Variants in ADGRG4 observed in about 807,000 individuals in gnomAD.
The protein encoded by ADGRG4 is adhesion G protein-coupled receptor G4.
A neutral mutation model predicts 126.2 loss-of-function variants in ADGRG4; 122 were observed. That is an observed-to-expected ratio of 0.97 (90% CI 0.83 to 1.12). The LOEUF (loss-of-function observed/expected upper bound fraction) is 1.12, where lower values mean the gene tolerates loss of function less well. Ranked by LOEUF, ADGRG4 falls within the 50% of genes most tolerant of loss-of-function variation. ADGRG4 has a pLI of 0.00. For synonymous variants in ADGRG4, 943 were observed against 838.7 expected (o/e 1.12, Z -2.15); for missense variants, 2,481 against 2,251.8 (o/e 1.10, Z -2.06).
chrX:136,412,152 C>T, intron 23 of ADGRG4, 113 bp from the exon 24 acceptor site: 3 of 514,239 alleles, frequency 5.8e-6, no homozygotes, highest in East Asian at 3.5e-5. Flanking sequence ...CAGTAATGGC[C>T]CTGGGGTTCC....
In ADGRG4 at chrX:136,345,698, G is replaced by C; in HGVS notation, c.1992G>C (p.Leu664=). The change falls in exon 6 of 26, where the codon CTG becomes CTC. Residue 664 remains leucine (L), a synonymous_variant. Transcript: ENST00000394143. ...GGACTTCTAGGCCAGACCAGGCCCT[G>C]CTGGCATCTATGAACACAACCACCA... ...TIWTSRPDQA[L]LASMNTTTIL... is the part of the protein sequence containing the mutation. 1 of 1,211,462 alleles carries C rather than the reference G, an allele frequency of 8.3e-7. No homozygotes were observed. The highest frequency in any genetic ancestry group is 1.1e-6 in the Non-Finnish European group (1 of 895,247).
At chrX:136,406,742 C>T (rs767687402) in intron 23 of ADGRG4, among the ~76,000 whole-genome samples, 16 of 110,319 alleles carry the variant, frequency 1.5e-4, no homozygotes, top group Non-Finnish European at 2.1e-4. Context: ...GGTGAAACCC[C>T]GTCTCTACTA....
At chrX:136,361,078 G>T (rs1478971762) in intron 11 of ADGRG4, among the ~76,000 whole-genome samples, 1 of 110,642 alleles carries the variant, frequency 9.0e-6, no homozygotes, top group Non-Finnish European at 1.9e-5. Flanking sequence ...GGTGGCTGAG[G>T]TGGGAGGATT....
chrX:136,347,712 A>G lies in ADGRG4; in HGVS notation c.4006A>G (p.Ser1336Gly), dbSNP rs750698209. ...TTTGGCTTCATCTCCCACTTCTGGA[A>G]GCACACAGATTACACCAACCTTGAC... ...GNLASSPTSG[S>G]TQITPTLTSS... Residue 1336 changes from serine to glycine, a missense_variant, in exon 6 of 26, where the codon AGC becomes GGC. Physicochemically the swap from Ser to Gly is moderately conservative, Grantham distance 56 (BLOSUM62 0). Transcript: ENST00000394143. 7 of 1,209,886 alleles carry G rather than the reference A, an allele frequency of 5.8e-6. No individual in the cohort carries two copies. Among genetic ancestry groups the G allele is most frequent in the Non-Finnish European group, 7.8e-6 (7 of 893,876 alleles).
chrX:136,315,150 C>T (rs746012130), intron 4 of ADGRG4, among the ~76,000 whole-genome samples: 7 of 109,934 alleles, frequency 6.4e-5, no homozygotes, highest in Admixed American at 2.0e-4. Context: ...AGCCTGGTTA[C>T]AAGACCAGTG....
Position 136,405,845 on chromosome X carries a change from G to A in ADGRG4, c.8808G>A (p.Leu2936=), listed in dbSNP as rs772805119. 1 of 1,209,792 alleles carries A rather than the reference G, an allele frequency of 8.3e-7. No homozygotes were observed. The highest frequency in any genetic ancestry group is 1.1e-6 in the Non-Finnish European group (1 of 894,587). ...QIQKTRRKMI[L]HDLKGTMSLT... ...AGAAGACTCGGCGGAAGATGATCCT[G>A]CATGACCTCAAAGGCACAATGAGCC... Residue 2936 remains leucine (L), a synonymous_variant, in exon 23 of 26, where the codon CTG becomes CTA. Coordinates refer to ENST00000394143, the MANE Select transcript of ADGRG4 (RefSeq NM_153834.4).
chrX:136,329,716 A>AT (rs1201937536), intron 5 of ADGRG4, among the ~76,000 whole-genome samples: 1 of 103,596 alleles, frequency 9.7e-6, no homozygotes, highest in Admixed American at 1.1e-4. Context: ...GTCGCCCAGG[A>AT]TGTAGTGCAG....
At chrX:136,376,871 G>C (rs2075229592) in intron 15 of ADGRG4, among the ~76,000 whole-genome samples, 1 of 110,732 alleles carries the variant, frequency 9.0e-6, no homozygotes, top group South Asian at 3.8e-4. Flanking sequence ...GGTTTTCTAG[G>C]TATACGTTCA....
chrX:136,315,111 A>G (rs1054442359), intron 4 of ADGRG4, among the ~76,000 whole-genome samples: 8 of 110,380 alleles, frequency 7.2e-5, no homozygotes, highest in African/African-American at 2.6e-4. Context: ...ACGCTTCTAT[A>G]TCTGGTAGGC....
chrX:136,339,684 C>T, intron 5 of ADGRG4, among the ~76,000 whole-genome samples: 2 of 112,251 alleles, frequency 1.8e-5, no homozygotes, highest in East Asian at 5.6e-4. Context: ...TCTTGGGGTC[C>T]CAAACCAGTT....
At chrX:136,393,160 A>C (rs2075328539) in intron 17 of ADGRG4, among the ~76,000 whole-genome samples, 1 of 111,873 alleles carries the variant, frequency 8.9e-6, no homozygotes. Flanking sequence ...TTCTGTCCAT[A>C]AGGCTTGATC....
chrX:136,346,493 A>G lies in ADGRG4; in HGVS notation c.2787A>G (p.Glu929=). The G allele has an allele frequency of 8.3e-7, 1 of 1,210,549 alleles. No homozygotes were observed. Among genetic ancestry groups the G allele is most frequent in the Non-Finnish European group, 1.1e-6 (1 of 894,536 alleles). ...GGAGTTCATACAATGAAATGACAGA[A>G]ATGTTTAATTTTAACCACACCTATG... ...TPRSSYNEMT[E]MFNFNHTYVA... The change falls in exon 6 of 26, where the codon GAA becomes GAG. Residue 929 remains glutamate, a synonymous_variant. Coordinates refer to ENST00000394143, the MANE Select transcript of ADGRG4 (RefSeq NM_153834.4).
intron 5 of ADGRG4, among the ~76,000 whole-genome samples, chrX:136,338,624 A>G (rs1336115642): frequency 8.9e-6 from 1 of 111,972 alleles, no homozygotes; most frequent in Non-Finnish European, 1.9e-5. Flanking sequence ...GATAATTTGT[A>G]ATTGCTTGCA....
intron 5 of ADGRG4, among the ~76,000 whole-genome samples, chrX:136,332,609 T>C (rs1299360996): frequency 9.0e-5 from 10 of 111,164 alleles, no homozygotes; most frequent in African/African-American, 3.3e-4. Flanking sequence ...TGCACTAGTT[T>C]ACAGTCCCAC....
chrX:136,317,239 A>C (rs1157043165), intron 4 of ADGRG4, among the ~76,000 whole-genome samples: 1 of 110,793 alleles, frequency 9.0e-6, no homozygotes, highest in Non-Finnish European at 1.9e-5. Flanking sequence ...GGTGTCTCAC[A>C]CCTGTAATCC....
intron 4 of ADGRG4, among the ~76,000 whole-genome samples, chrX:136,314,125 G>A (rs758037901): frequency 2.7e-5 from 3 of 109,530 alleles, no homozygotes; most frequent in African/African-American, 1.0e-4. Context: ...AACTGCTTCC[G>A]CCATGGGCTG....
intron 19 of ADGRG4, 62 bp downstream of exon 19, chrX:136,395,555 T>C: frequency 1.6e-6 from 1 of 618,400 alleles, no homozygotes; most frequent in Non-Finnish European, 2.6e-6. Context: ...ACCAGTAATA[T>C]ATGTGTGAAC....
chrX:136,311,775 T>C (rs1229587532), intron 4 of ADGRG4, among the ~76,000 whole-genome samples: 1 of 111,264 alleles, frequency 9.0e-6, no homozygotes, highest in Non-Finnish European at 1.9e-5. Context: ...AGTAGGAGTG[T>C]AGAGGTAAAG....
At chrX:136,403,578 T>C (rs1255135932) in intron 22 of ADGRG4, among the ~76,000 whole-genome samples, 1 of 112,207 alleles carries the variant, frequency 8.9e-6, no homozygotes, top group African/African-American at 3.2e-5. Context: ...TCTCTTAATG[T>C]CCTGTGCAAA....
Sources: allele counts gnomAD v4.1 joint callset (sites outside exome capture counted in the v4.1 genomes callset), GRCh38; gene constraint gnomAD v4.1.1; transcripts MANE v1.5; gene names NCBI Gene and HGNC (gene_info 2026-07-23, HGNC 2026-07-21).